Variants in NLRP8 observed in about 807,000 individuals in gnomAD.
The protein encoded by NLRP8 is NACHT, LRR and PYD domains-containing protein 8.
Under a neutral mutation model 88.7 loss-of-function variants are expected in NLRP8, and 86 were observed. That is an observed-to-expected ratio of 0.97 (90% CI 0.81 to 1.16). The LOEUF is 1.16. Among genes scored for constraint, NLRP8 ranks in the 50% most tolerant of loss-of-function variants. The pLI is 0.00. For synonymous variants in NLRP8, 504 were observed against 494.6 expected (o/e 1.02, Z -0.25); for missense variants, 1,342 against 1,286.5 (o/e 1.04, Z -0.66).
At chr19:55,967,939 G>A (rs1979914494) in intron 5 of NLRP8, among the ~76,000 whole-genome samples, 1 of 152,172 alleles carries the variant, frequency 6.6e-6, no homozygotes, top group Non-Finnish European at 1.5e-5. Flanking sequence ...GACAAGCCAG[G>A]TAAGAAACAC....
At chr19:55,965,733 G>A (rs971764798) in intron 4 of NLRP8, among the ~76,000 whole-genome samples, 4 of 151,998 alleles carry the variant, frequency 2.6e-5, no homozygotes, top group South Asian at 2.1e-4. Context: ...GTATACATGC[G>A]CTGTGGTGGT....
At chr19:55,960,374 A>T (rs990585685) in intron 3 of NLRP8, among the ~76,000 whole-genome samples, 1 of 152,130 alleles carries the variant, frequency 6.6e-6, no homozygotes, top group African/African-American at 2.4e-5. Context: ...CAATTCCAAC[A>T]CATTCCACAA....
chr19:55,980,296 C>T (rs1437773042), intron 9 of NLRP8, among the ~76,000 whole-genome samples: 1 of 152,170 alleles, frequency 6.6e-6, no homozygotes. Context: ...GCACTTAACA[C>T]AGTGCCTAAC....
chr19:55,968,425 C>G (rs1045141571), intron 5 of NLRP8, among the ~76,000 whole-genome samples: 5 of 142,186 alleles, frequency 3.5e-5, no homozygotes, highest in Non-Finnish European at 7.7e-5. Context: ...GGCGACAGAG[C>G]AAAAACTCCA....
chr19:55,980,564 C>T (rs1980529109), intron 9 of NLRP8, among the ~76,000 whole-genome samples: 1 of 152,116 alleles, frequency 6.6e-6, no homozygotes, highest in South Asian at 2.1e-4. Flanking sequence ...TGCTTCCAGG[C>T]TCACTTGTGT....
intron 5 of NLRP8, among the ~76,000 whole-genome samples, chr19:55,970,272 A>T (rs1245529715): frequency 6.6e-6 from 1 of 152,160 alleles, no homozygotes; most frequent in Non-Finnish European, 1.5e-5. Flanking sequence ...AACTTTTTTT[A>T]AAATTTGTAT....
intron 8 of NLRP8, 38 bp from the exon 9 acceptor site, chr19:55,979,356 G>T: frequency 3.1e-6 from 5 of 1,609,672 alleles, no homozygotes; most frequent in South Asian, 2.2e-5. Flanking sequence ...GAGTTGTGAT[G>T]ACTTCTCTGC....
rs1047131001 is a variant in NLRP8 at position 55,966,273 on chromosome 19, C to A, written c.2274C>A (p.Asn758Lys). 5.0e-6 allele frequency: 8 copies of A among 1,614,076 alleles called. No individual in the cohort carries two copies. The highest frequency in any genetic ancestry group is 6.8e-6 in the Non-Finnish European group (8 of 1,179,984). Reference sequence around the variant, plus strand: ...ACTTAATCGGTGTTTTGACGGGGAACCAGCATCTGAGATACTTGGAAATAC... The same window carrying A: ...ACTTAATCGGTGTTTTGACGGGGAAACAGCATCTGAGATACTTGGAAATAC... Residue 758 changes from asparagine to lysine, a missense_variant, in exon 5 of 10, where the codon AAC becomes AAA. Physicochemically the swap from Asn to Lys is moderately conservative, Grantham distance 94 (BLOSUM62 0). Coordinates refer to ENST00000291971, the MANE Select transcript of NLRP8 (RefSeq NM_176811.2).
At chr19:55,961,004 C>T (rs182456712) in intron 3 of NLRP8, among the ~76,000 whole-genome samples, 92 of 148,286 alleles carry the variant, frequency 6.2e-4, no homozygotes, top group African/African-American at 2.2e-3. Flanking sequence ...CAGGTTCAAG[C>T]GATTCTCTTT....
intron 1 of NLRP8, among the ~76,000 whole-genome samples, chr19:55,949,420 T>C (rs551257345): frequency 7.2e-5 from 11 of 152,198 alleles, no homozygotes; most frequent in African/African-American, 2.6e-4. Context: ...GTATTTTTAG[T>C]AGAAACGGGG....
rs759164917 is a variant in NLRP8, at chr19:55,954,777, C to A, written c.719C>A (p.Ala240Asp). Residue 240 changes from alanine to aspartate, a missense_variant, in exon 3 of 10, where the codon GCT becomes GAT. Ala to Asp is a moderately radical substitution (Grantham distance 126, BLOSUM62 -2). Transcript: ENST00000291971. ...TTCTACGCCCACAAGCGCTGGTGTG[C>A]TTTCTACTTCCATTGCCAAGAGGTG... 6.2e-7 allele frequency: 1 copy of A among 1,614,226 alleles called. No homozygotes were observed. The highest frequency in any genetic ancestry group is 1.1e-5 in the South Asian group (1 of 91,088).
intron 7 of NLRP8, among the ~76,000 whole-genome samples, chr19:55,975,272 G>A (rs369264064): frequency 6.6e-6 from 1 of 152,168 alleles, no homozygotes; most frequent in Admixed American, 6.5e-5. Context: ...TTTGTGAAAG[G>A]CAAGAGGTGG....
At position 55,960,560 on chromosome 19, in the gene NLRP8, C is replaced by T. The variant is rs546240838; in HGVS notation, c.2043-1507C>T. The stretch of plus-strand genomic sequence containing the variant: ...TGATGCTGCGTAAAGACCTGACATC[C>T]GTAGAAATCTTAAGACACGACATAT... On this transcript the variant is annotated intron_variant, in intron 3 of 9. Transcript: ENST00000291971. Among the ~76,000 whole-genome samples, 89 of 152,194 alleles carry T rather than the reference C, an allele frequency of 5.8e-4. No individual in the cohort carries two copies. In the South Asian group the frequency reaches 9.9e-3, roughly 17 times the overall value.
intron 1 of NLRP8, 100 bp from the exon 2 acceptor site, chr19:55,952,438 G>T: frequency 4.6e-6 from 4 of 869,698 alleles, no homozygotes; most frequent in Non-Finnish European, 5.8e-6. Context: ...CTGAAGCCAT[G>T]TGGCTGCTTC....
chr19:55,968,126 A>AT (rs1979922032), intron 5 of NLRP8, among the ~76,000 whole-genome samples: 2 of 152,190 alleles, frequency 1.3e-5, no homozygotes, highest in Admixed American at 1.3e-4. Context: ...TCGTTTAATA[A>AT]TTTTTTTAAC....
Position 55,973,738 on chromosome 19 carries a change from T to C in NLRP8, c.2621T>C (p.Leu874Ser), listed in dbSNP as rs1367040324. ...AGTAAGATGCTGACCCACCTGAGCT[T>C]GGCAGAAAACGCCTTGAAAGATGAA... The change falls in exon 7 of 10, where the codon TTG (leucine) becomes TCG (serine). Residue 874 changes from leucine (L) to serine (S), a missense_variant. Leu to Ser is a moderately radical substitution (Grantham distance 145). Coordinates refer to ENST00000291971, the MANE Select transcript of NLRP8 (RefSeq NM_176811.2). 1.2e-6 allele frequency: 2 copies of C among 1,614,020 alleles called. No individual in the cohort carries two copies. The highest frequency in any genetic ancestry group is 1.7e-6 in the Non-Finnish European group (2 of 1,180,008).
rs759945734 is a variant in NLRP8 at position 55,948,142 on chromosome 19, C to T, written c.240C>T (p.Ser80=). The change falls in exon 1 of 10, where the codon AGC becomes AGT. Residue 80 remains serine (S), a synonymous_variant. Coordinates refer to ENST00000291971, the MANE Select transcript of NLRP8 (RefSeq NM_176811.2). ...CCTGGGACCAGGTCGAGACAGCCAGCTGGGCAGAGGTGGTTCATCTCTTGA... is the reference window on the plus strand; with the variant it reads ...CCTGGGACCAGGTCGAGACAGCCAGTTGGGCAGAGGTGGTTCATCTCTTGA... 1.9e-6 allele frequency: 3 copies of T among 1,614,182 alleles called. No homozygotes were observed. The Admixed American group carries it at 5.0e-5, about 27-fold the overall frequency.
Position 55,956,090 on chromosome 19 carries a change from C to T in NLRP8, c.2032C>T (p.Pro678Ser). The change falls in exon 3 of 10, where the codon CCT becomes TCT. Residue 678 changes from proline to serine, a missense_variant. Physicochemically the swap from Pro to Ser is moderately conservative, Grantham distance 74 (BLOSUM62 -1). Coordinates refer to ENST00000291971, the MANE Select transcript of NLRP8 (RefSeq NM_176811.2). ...GTGGAAGCTCAGCTCCAGCTCCCAT[C>T]CTGGCTCTGAGTAAGTGCTTCGGTC... The T allele has an allele frequency of 6.2e-7, 1 of 1,611,874 alleles. No individual in the cohort carries two copies. The highest frequency in any genetic ancestry group is 1.1e-5 in the South Asian group (1 of 90,698).
At chr19:55,966,782 C>G (rs1330843954) in intron 5 of NLRP8, among the ~76,000 whole-genome samples, 2 of 152,088 alleles carry the variant, frequency 1.3e-5, no homozygotes, top group African/African-American at 2.4e-5. Flanking sequence ...TGCCATTGCA[C>G]TCCAGCCTGA....
Sources: gnomAD v4.1 joint callset for allele counts (sites outside exome capture counted in the v4.1 genomes callset) on GRCh38, gnomAD v4.1.1 for gene constraint, MANE v1.5 for transcripts, NCBI Gene and HGNC (gene_info 2026-07-23, HGNC 2026-07-21) for gene names.